Variants in SLC1A2 observed in about 807,000 individuals in gnomAD.
SLC1A2 encodes the protein excitatory amino acid transporter 2.
Under a neutral mutation model 48.8 loss-of-function variants are expected in SLC1A2, and 15 were observed. That is an observed-to-expected ratio of 0.31 (90% CI 0.21 to 0.47). The LOEUF (loss-of-function observed/expected upper bound fraction) is 0.47, where lower values mean the gene tolerates loss of function less well. Among genes scored for constraint, SLC1A2 ranks in the 20% least tolerant of loss-of-function variants. The pLI is 0.99. For missense variants in SLC1A2, 502 were observed against 730.5 expected (o/e 0.69, Z 3.61); for synonymous variants, 279 against 272.6 (o/e 1.02, Z -0.23).
intron 7 of SLC1A2, among the ~76,000 whole-genome samples, chr11:35,289,297 T>A (rs1026041160): frequency 1.6e-4 from 23 of 143,298 alleles, no homozygotes; most frequent in African/African-American, 5.3e-4. Context: ...TCCCTGGGTT[T>A]TACATTTTTT....
intron 1 of SLC1A2, among the ~76,000 whole-genome samples, chr11:35,397,758 T>C (rs2135261889): frequency 6.6e-6 from 1 of 152,070 alleles, no homozygotes; most frequent in South Asian, 2.1e-4. Flanking sequence ...TTCCACCAGG[T>C]CAGGACACAG....
At chr11:35,263,959 C>G (rs146817143) in intron 10 of SLC1A2, 1 of 152,184 alleles carries the variant, frequency 6.6e-6, no homozygotes, top group Non-Finnish European at 1.5e-5. Context: ...ATTATTGACC[C>G]TTGTTGATTC....
Position 35,281,560 on chromosome 11 carries a change from G to T in SLC1A2, c.1287-559C>A, listed in dbSNP as rs183883934. ...TTCCAAATGACACTAAGCGTCAGGC[G>T]CCTGGATGCCTCACCATGGGCTGGA... On this transcript the variant is annotated intron_variant, in intron 8 of 10. Transcript: ENST00000278379. Among the ~76,000 whole-genome samples, 11 of 152,302 alleles carry T rather than the reference G, an allele frequency of 7.2e-5. No individual in the cohort carries two copies. In the East Asian group the frequency reaches 2.1e-3, roughly 29 times the overall value.
chr11:35,301,173 A>G (rs966341935), intron 6 of SLC1A2, among the ~76,000 whole-genome samples: 3 of 152,240 alleles, frequency 2.0e-5, no homozygotes, highest in African/African-American at 7.2e-5. Context: ...TCCAGCCTCC[A>G]GAACCATAAG....
At chr11:35,269,950 T>C (rs1850232917) in intron 9 of SLC1A2, among the ~76,000 whole-genome samples, 1 of 151,740 alleles carries the variant, frequency 6.6e-6, no homozygotes, top group Non-Finnish European at 1.5e-5. Flanking sequence ...CTACTAAAAA[T>C]ACAAAAATTA....
chr11:35,306,834 G>C (rs1851527762), intron 4 of SLC1A2, among the ~76,000 whole-genome samples: 1 of 152,162 alleles, frequency 6.6e-6, no homozygotes, highest in African/African-American at 2.4e-5. Context: ...ACGACCGCCA[G>C]TCTTATCCAT....
At chr11:35,380,205 A>G (rs1854377578) in intron 1 of SLC1A2, among the ~76,000 whole-genome samples, 1 of 152,196 alleles carries the variant, frequency 6.6e-6, no homozygotes, top group Non-Finnish European at 1.5e-5. Flanking sequence ...ACAGCATGCA[A>G]TGCCAATACC....
rs747177154 is a variant in SLC1A2 at position 35,254,552 on chromosome 11, AG to A, written c.*6341del. The stretch of plus-strand genomic sequence containing the variant: ...CTAGCAAAGGCAACAGGCTGTTTCC[AG>A]GCAGGCAAAATGGTTGCCATGAGAA... On this transcript the variant is annotated 3_prime_UTR_variant, in exon 11 of 11. Coordinates refer to ENST00000278379, the MANE Select transcript of SLC1A2 (RefSeq NM_004171.4). 34 of 293,182 alleles carry A rather than the reference AG, an allele frequency of 1.2e-4. No homozygotes were observed. Among genetic ancestry groups the A allele is most frequent in the Non-Finnish European group, 2.0e-4 (30 of 150,262 alleles). 18.2% of individuals were successfully genotyped at this position (293,182 alleles called of 1,614,324 possible).
At chr11:35,407,069 A>T (rs1247391065) in intron 1 of SLC1A2, among the ~76,000 whole-genome samples, 5 of 151,642 alleles carry the variant, frequency 3.3e-5, no homozygotes, top group African/African-American at 4.9e-5. Context: ...CTTAGAAAGG[A>T]CTTAAAAGGT....
chr11:35,418,415 T>C (rs1357456010), intron 1 of SLC1A2: 1 of 152,734 alleles, frequency 6.5e-6, no homozygotes, highest in Non-Finnish European at 1.5e-5. Context: ...GCCAGGGAGA[T>C]TCCGCCTTCC....
chr11:35,313,573 G>C (rs1732832669), intron 3 of SLC1A2, among the ~76,000 whole-genome samples: 1 of 152,174 alleles, frequency 6.6e-6, no homozygotes, highest in Admixed American at 6.5e-5. Flanking sequence ...GAAGAAGTTA[G>C]TGATGTGAGC....
At chr11:35,326,807 A>G (rs533826645) in intron 1 of SLC1A2, among the ~76,000 whole-genome samples, 1 of 152,306 alleles carries the variant, frequency 6.6e-6, no homozygotes, top group African/African-American at 2.4e-5. Flanking sequence ...CAGAGACCCA[A>G]ATTTCCTCCT....
intron 3 of SLC1A2, 73 bp downstream of exon 3, chr11:35,314,950 G>T: frequency 1.9e-5 from 21 of 1,085,654 alleles, no homozygotes; most frequent in Non-Finnish European, 2.9e-5. Flanking sequence ...ACCAAATTGA[G>T]ATTCTACAGT....
chr11:35,414,384 T>C (rs1855549361), intron 1 of SLC1A2, among the ~76,000 whole-genome samples: 1 of 152,228 alleles, frequency 6.6e-6, no homozygotes, highest in African/African-American at 2.4e-5. Context: ...AATGAGATGC[T>C]AGTCCTTTTC....
chr11:35,314,497 G>T (rs1442831747), intron 3 of SLC1A2, among the ~76,000 whole-genome samples: 1 of 152,132 alleles, frequency 6.6e-6, no homozygotes, highest in Non-Finnish European at 1.5e-5. Flanking sequence ...GGTGGATCAT[G>T]AGGTCAGGAG....
intron 1 of SLC1A2, among the ~76,000 whole-genome samples, chr11:35,390,324 A>G (rs535122248): frequency 4.5e-4 from 68 of 152,326 alleles, no homozygotes; most frequent in African/African-American, 1.5e-3. Flanking sequence ...ACCAAAGTAC[A>G]AGAAACGACC....
intron 1 of SLC1A2, among the ~76,000 whole-genome samples, chr11:35,353,071 A>G (rs1423891601): frequency 6.6e-6 from 1 of 152,102 alleles, no homozygotes; most frequent in Non-Finnish European, 1.5e-5. Context: ...ACATTTCTGA[A>G]ATTGGGATGC....
At chr11:35,393,968 T>C (rs1168404130) in intron 1 of SLC1A2, among the ~76,000 whole-genome samples, 1 of 152,150 alleles carries the variant, frequency 6.6e-6, no homozygotes, top group African/African-American at 2.4e-5. Flanking sequence ...GAAGCTCTTC[T>C]GTAACCATGA....
At chr11:35,376,341 A>G (rs1854228552) in intron 1 of SLC1A2, among the ~76,000 whole-genome samples, 1 of 152,214 alleles carries the variant, frequency 6.6e-6, no homozygotes. Context: ...GAGAGAGAAC[A>G]TTACTGGAAA....
Sources: allele counts gnomAD v4.1 joint callset (sites outside exome capture counted in the v4.1 genomes callset), GRCh38; gene constraint gnomAD v4.1.1; transcripts MANE v1.5; gene names NCBI Gene and HGNC (gene_info 2026-07-23, HGNC 2026-07-21).